Variants in FNDC7 observed in about 807,000 individuals in gnomAD.
FNDC7 encodes the protein fibronectin type III domain-containing protein 7.
Under a neutral mutation model 74.2 loss-of-function variants are expected in FNDC7, and 66 were observed. The ratio of observed to expected loss-of-function variants is 0.89; its 90% confidence interval spans 0.73 to 1.09. The LOEUF (loss-of-function observed/expected upper bound fraction) is 1.09, where lower values mean the gene tolerates loss of function less well. FNDC7 is among the 50% of genes least tolerant of loss of function. The pLI, the probability that FNDC7 is intolerant of heterozygous loss-of-function variation, is 0.00. For missense variants in FNDC7, 829 were observed against 893.4 expected, an observed-to-expected ratio of 0.93 and a Z score of 0.92; for synonymous variants, 307 against 330.2, an observed-to-expected ratio of 0.93 and a Z score of 0.76.
chr1:108,739,751 G>A (rs1320612506), intron 11 of FNDC7, among the ~76,000 whole-genome samples: 1 of 152,186 alleles, frequency 6.6e-6, no homozygotes, highest in Non-Finnish European at 1.5e-5. Context: ...GAAGTTTGAG[G>A]AGCACTGCTT....
At chr1:108,719,725 G>T (rs994853329) in intron 4 of FNDC7, among the ~76,000 whole-genome samples, 4 of 148,682 alleles carry the variant, frequency 2.7e-5, no homozygotes, top group Non-Finnish European at 5.9e-5. Context: ...AAATTGAGCT[G>T]CTGGAGTGAG....
intron 5 of FNDC7, 70 bp downstream of exon 5, chr1:108,722,662 C>A: frequency 6.8e-7 from 1 of 1,474,580 alleles, no homozygotes; most frequent in Non-Finnish European, 9.1e-7. Context: ...CGTTCACTGA[C>A]AATGTTTCTG....
chr1:108,726,585 A>T (rs950095135), intron 6 of FNDC7, among the ~76,000 whole-genome samples: 1 of 151,678 alleles, frequency 6.6e-6, no homozygotes, highest in African/African-American at 2.4e-5. Flanking sequence ...TATTTTTATT[A>T]TTAGCATCAC....
Position 108,728,750 on chromosome 1 carries a change from A to G in FNDC7, c.1488A>G (p.Gly496=). 6.2e-7 allele frequency: 1 copy of G among 1,614,262 alleles called. No homozygotes were observed. Among genetic ancestry groups the G allele is most frequent in the Non-Finnish European group, 8.5e-7 (1 of 1,180,052 alleles). The change falls in exon 8 of 13, where the codon GGA becomes GGG. Residue 496 remains glycine, a synonymous_variant. Coordinates refer to ENST00000370017, the MANE Select transcript of FNDC7 (RefSeq NM_001144937.3). ...TYTVTAQGEK[G]LYQCSSTGES... ...CGGTGACTGCCCAAGGGGAGAAAGG[A>G]CTGTATCAGTGCAGCAGCACAGGAG...
intron 2 of FNDC7, 34 bp from the exon 3 acceptor site, chr1:108,717,743 C>T (rs1424018738): frequency 6.5e-7 from 1 of 1,544,686 alleles, no homozygotes; most frequent in Non-Finnish European, 8.8e-7. Context: ...TCGTAGGTAT[C>T]TTGGCTAATG....
At position 108,737,531 on chromosome 1, in the gene FNDC7, C is replaced by A; in HGVS notation, c.2170+7C>A. 2 of 1,587,788 alleles carry A rather than the reference C, an allele frequency of 1.3e-6. No homozygotes were observed. Among genetic ancestry groups the A allele is most frequent in the South Asian group, 1.2e-5 (1 of 85,604 alleles). On this transcript the variant is annotated splice_region_variant and intron_variant, in intron 11 of 12. Coordinates refer to ENST00000370017, the MANE Select transcript of FNDC7 (RefSeq NM_001144937.3). ...GGAAGTACACTTGGAATGGGTAAGT[C>A]ATTTTTCTCATGGATAAAATAGAAC...
Position 108,717,844 on chromosome 1 carries a change from T to C in FNDC7, c.150T>C (p.Ala50=), listed in dbSNP as rs537197955. 19 of 1,551,730 alleles carry C rather than the reference T, an allele frequency of 1.2e-5. No homozygotes were observed. The African/African-American group carries it at 2.5e-4, about 20-fold the overall frequency. ...KLSNSITVEW[A]TVPGATSYLL... ...GCAACAGTATCACTGTAGAATGGGC[T>C]ACAGTGCCGGGTGCCACCAGTTACC... Residue 50 remains alanine (A), a synonymous_variant, in exon 3 of 13, where the codon GCT becomes GCC. Coordinates refer to ENST00000370017, the MANE Select transcript of FNDC7 (RefSeq NM_001144937.3).
Position 108,741,205 on chromosome 1 carries a change from G to T in FNDC7, c.2171-568G>T, listed in dbSNP as rs1242075543. Among the ~76,000 whole-genome samples, 5 of 151,846 alleles carry T rather than the reference G, an allele frequency of 3.3e-5. No homozygotes were observed. The South Asian group carries it at 8.3e-4, about 25-fold the overall frequency. On this transcript the variant is annotated intron_variant, in intron 11 of 12. Coordinates refer to ENST00000370017, the MANE Select transcript of FNDC7 (RefSeq NM_001144937.3). Reference sequence around the variant, plus strand: ...TGGAAATTTGATGCAAGTTGGAAGGGAAAGGAAAAAAAAAACCTATTTGAG... The same window carrying T: ...TGGAAATTTGATGCAAGTTGGAAGGTAAAGGAAAAAAAAAACCTATTTGAG...
At chr1:108,730,631 G>A (rs1661320645) in intron 8 of FNDC7, 43 bp from the exon 9 acceptor site, 2 of 1,491,444 alleles carry the variant, frequency 1.3e-6, no homozygotes, top group East Asian at 2.4e-5. Flanking sequence ...ATAATCTTCA[G>A]TGGAAATAAA....
intron 5 of FNDC7, 67 bp from the exon 6 acceptor site, chr1:108,725,683 G>A: frequency 6.5e-7 from 1 of 1,533,252 alleles, no homozygotes; most frequent in South Asian, 1.3e-5. Context: ...TGAAATCTTG[G>A]ATAATTGCAA....
chr1:108,736,525 G>GAATATTTAAAA (rs1661519096), intron 10 of FNDC7, among the ~76,000 whole-genome samples: 1 of 152,180 alleles, frequency 6.6e-6, no homozygotes, highest in Non-Finnish European at 1.5e-5. Flanking sequence ...AAAAAAGAAT[G>GAATATTTAAAA]AATCAATGAA....
chr1:108,723,072 A>G (rs1434204458), intron 5 of FNDC7, among the ~76,000 whole-genome samples: 2 of 152,132 alleles, frequency 1.3e-5, no homozygotes, highest in Non-Finnish European at 2.9e-5. Flanking sequence ...CCACATACAC[A>G]TGTGGAAGTT....
chr1:108,727,802 T>G lies in FNDC7; in HGVS notation c.1112-6T>G. 6.2e-7 allele frequency: 1 copy of G among 1,614,028 alleles called. No individual in the cohort carries two copies. The stretch of plus-strand genomic sequence containing the variant: ...ACCGCCATTTTCCCTCTGCTCCTGC[T>G]TTCAGCTCCCTGTTGTCCTAGTGAC... On this transcript the variant is annotated splice_region_variant and splice_polypyrimidine_tract_variant and intron_variant, in intron 6 of 12. Transcript: ENST00000370017.
At chr1:108,736,142 C>A (rs1661509227) in intron 10 of FNDC7, among the ~76,000 whole-genome samples, 1 of 152,188 alleles carries the variant, frequency 6.6e-6, no homozygotes, top group Admixed American at 6.5e-5. Flanking sequence ...TCCACAACAT[C>A]CGTCCTGAGA....
At chr1:108,717,687 T>G in intron 2 of FNDC7, 90 bp from the exon 3 acceptor site, 2 of 1,351,864 alleles carry the variant, frequency 1.5e-6, no homozygotes, top group South Asian at 1.4e-5. Flanking sequence ...AAGGAAGGCA[T>G]GAGAATGATT....
intron 2 of FNDC7, among the ~76,000 whole-genome samples, chr1:108,715,742 C>A (rs986853190): frequency 2.0e-5 from 3 of 152,126 alleles, no homozygotes; most frequent in Non-Finnish European, 4.4e-5. Context: ...TACAACAATC[C>A]TAAAATGCAG....
chr1:108,725,903 G>T lies in FNDC7; in HGVS notation c.1010G>T (p.Cys337Phe). The T allele has an allele frequency of 6.2e-7, 1 of 1,614,112 alleles. No individual in the cohort carries two copies. The highest frequency in any genetic ancestry group is 8.5e-7 in the Non-Finnish European group (1 of 1,180,010). The change falls in exon 6 of 13, where the codon TGC becomes TTC. Residue 337 changes from cysteine to phenylalanine, a missense_variant. Transcript: ENST00000370017. ...EVHCNTSLTQ[C>F]NFLSECGFTY... ...CACTGCAACACATCTCTCACTCAGT[G>T]CAACTTCTTATCTGAGTGTGGCTTC... is the stretch of plus-strand genomic sequence containing the variant.
In FNDC7 at chr1:108,727,867, G is replaced by A. The variant is rs1661252356; in HGVS notation, c.1171G>A (p.Val391Ile). The change falls in exon 7 of 13, where the codon GTC (valine) becomes ATC (isoleucine). Residue 391 changes from valine (V) to isoleucine (I), a missense_variant. Physicochemically the swap from Val to Ile is conservative, Grantham distance 29. Transcript: ENST00000370017. Reference sequence around the variant, plus strand: ...GGTGTCCAGTGACAGAGTTGAGATTGTCTGGTCTCCTGTCCGTGGTGCCGA... The same window carrying A: ...GGTGTCCAGTGACAGAGTTGAGATTATCTGGTCTCCTGTCCGTGGTGCCGA... ...VLVSSDRVEIVWSPVRGAELY... is the reference protein window; with the variant it reads ...VLVSSDRVEIIWSPVRGAELY... 10 of 1,614,168 alleles carry A rather than the reference G, an allele frequency of 6.2e-6. No homozygotes were observed. Among genetic ancestry groups the A allele is most frequent in the Non-Finnish European group, 8.5e-6 (10 of 1,180,044 alleles).
chr1:108,730,870 A>G lies in FNDC7; in HGVS notation c.1821A>G (p.Leu607=). 6.2e-7 allele frequency: 1 copy of G among 1,613,994 alleles called. No homozygotes were observed. The highest frequency in any genetic ancestry group is 8.5e-7 in the Non-Finnish European group (1 of 1,179,892). ...GTGGCATCAATTACACAGTGACATT[A>G]AAAGCAATTAGTGCCACCGGGTTGA... ...ITCGINYTVT[L]KAISATGLTA... is the part of the protein sequence containing the mutation. Residue 607 remains leucine, a synonymous_variant, in exon 9 of 13, where the codon TTA becomes TTG. Coordinates refer to ENST00000370017, the MANE Select transcript of FNDC7 (RefSeq NM_001144937.3).
Sources: allele counts gnomAD v4.1 joint callset (sites outside exome capture counted in the v4.1 genomes callset), GRCh38; gene constraint gnomAD v4.1.1; transcripts MANE v1.5; gene names NCBI Gene and HGNC (gene_info 2026-07-23, HGNC 2026-07-21).